Variants in BRWD3 observed in about 807,000 individuals in gnomAD.
The protein encoded by BRWD3 is bromodomain and WD repeat domain containing 3, also known as bromodomain and WD repeat-containing protein 3.
Under a neutral mutation model 149.7 loss-of-function variants are expected in BRWD3, and 10 were observed. The observed-to-expected ratio is 0.07, with a 90% confidence interval of 0.04 to 0.11. The LOEUF is 0.11. Among genes scored for constraint, BRWD3 ranks in the 10% least tolerant of loss-of-function variants. The pLI is 1.00. For synonymous variants in BRWD3, 504 were observed against 456.7 expected, an observed-to-expected ratio of 1.10 and a Z score of -1.32; for missense variants, 940 against 1,373.2, an observed-to-expected ratio of 0.68 and a Z score of 4.99.
chrX:80,739,043 C>T (rs968295685), intron 8 of BRWD3, among the ~76,000 whole-genome samples: 2 of 111,793 alleles, frequency 1.8e-5, no homozygotes, highest in African/African-American at 6.5e-5. Context: ...AGAGACTAAA[C>T]TGGGTGCAGG....
In BRWD3 at chrX:80,808,588, C is replaced by A; in HGVS notation, c.131G>T (p.Arg44Leu). Residue 44 changes from arginine to leucine, a missense_variant, in exon 4 of 41, where the codon CGC becomes CTC. Physicochemically the swap from Arg to Leu is moderately radical, Grantham distance 102 (BLOSUM62 -2). Around this residue, in one of 6 missense-constraint regions of BRWD3, gnomAD observed 105 missense variants for 127.7 expected, o/e 0.82. Coordinates refer to ENST00000373275, the MANE Select transcript of BRWD3 (RefSeq NM_153252.5). ...CTCTTTCCCCTCCCAATCTAAGCGG[C>A]GCGGAATCAGCTGGGGGCCGGACGA... is the stretch of plus-strand genomic sequence containing the variant. ...QELEEHQLIP[R>L]RLDWEGKEHR... 1 of 1,207,341 alleles carries A rather than the reference C, an allele frequency of 8.3e-7. No individual in the cohort carries two copies. The highest frequency in any genetic ancestry group is 1.1e-6 in the Non-Finnish European group (1 of 893,880).
intron 25 of BRWD3, among the ~76,000 whole-genome samples, 187 bp downstream of exon 25, chrX:80,699,770 C>T (rs763474970): frequency 4.7e-4 from 52 of 111,714 alleles, no homozygotes; most frequent in Admixed American, 4.5e-3. Context: ...AAATAGCATA[C>T]AAATTTTGAG....
intron 6 of BRWD3, among the ~76,000 whole-genome samples, chrX:80,787,797 C>T (rs2074127008): frequency 9.0e-6 from 1 of 111,453 alleles, no homozygotes; most frequent in African/African-American, 3.3e-5. Context: ...TTGAAAGACA[C>T]TGGTAGGCCG....
At chrX:80,709,983 A>T (rs1485316904) in intron 20 of BRWD3, 1 of 1,118,966 alleles carries the variant, frequency 8.9e-7, no homozygotes, top group Non-Finnish European at 1.2e-6. Flanking sequence ...CATCAAACTG[A>T]ATATGCAATG....
In BRWD3 at chrX:80,692,993, C is replaced by T; in HGVS notation, c.3210G>A (p.Gln1070=). The change falls in exon 28 of 41, where the codon CAG becomes CAA. Residue 1070 remains glutamine (Q), a synonymous_variant. Transcript: ENST00000373275. ...DAWWFGTVES[Q]QPFQPEYPDS... Reference sequence around the variant, plus strand: ...CAGGATACTCTGGTTGAAAAGGCTGCTGACTCTCCACAGTCCCAAACCACC... The same window carrying T: ...CAGGATACTCTGGTTGAAAAGGCTGTTGACTCTCCACAGTCCCAAACCACC... 1 of 1,211,250 alleles carries T rather than the reference C, an allele frequency of 8.3e-7. No individual in the cohort carries two copies. Among genetic ancestry groups the T allele is most frequent in the South Asian group, 1.8e-5 (1 of 56,984 alleles).
chrX:80,794,085 G>A (rs1433292539), intron 4 of BRWD3, among the ~76,000 whole-genome samples: 1 of 111,629 alleles, frequency 9.0e-6, no homozygotes, highest in East Asian at 2.8e-4. Flanking sequence ...GGCTGAGGCA[G>A]GAGAATCACT....
In BRWD3 at chrX:80,741,898, G is replaced by A. The variant is rs146169033; in HGVS notation, c.813+2134C>T. Reference sequence around the variant, plus strand: ...TGATGGTGGTTTCTTTTGCTGTGCAGAAGCTCTTTAGTTTAATTAGATCGC... The same window carrying A: ...TGATGGTGGTTTCTTTTGCTGTGCAAAAGCTCTTTAGTTTAATTAGATCGC... On this transcript the variant is annotated intron_variant, in intron 8 of 40. Coordinates refer to ENST00000373275, the MANE Select transcript of BRWD3 (RefSeq NM_153252.5). Among the ~76,000 whole-genome samples the A allele has an allele frequency of 4.0e-3, 445 of 111,804 alleles. 3 individuals carry two copies. Among genetic ancestry groups the A allele is most frequent in the African/African-American group, 0.013 (400 of 30,745 alleles).
intron 6 of BRWD3, among the ~76,000 whole-genome samples, chrX:80,763,310 C>G (rs903361059): frequency 9.0e-6 from 1 of 111,543 alleles, no homozygotes. Context: ...TTTGCTATGG[C>G]TGCTTTTATA....
At chrX:80,776,240 A>C (rs1178596509) in intron 6 of BRWD3, among the ~76,000 whole-genome samples, 2 of 112,234 alleles carry the variant, frequency 1.8e-5, no homozygotes, top group Non-Finnish European at 3.8e-5. Flanking sequence ...GCTCATCAAG[A>C]TCCAAAGAGT....
At position 80,761,973 on chromosome X, in the gene BRWD3, T is replaced by C. The variant is rs187088328; in HGVS notation, c.431-16244A>G. Among the ~76,000 whole-genome samples, 18 of 111,651 alleles carry C rather than the reference T, an allele frequency of 1.6e-4. 1 individual carries two copies. Among genetic ancestry groups the C allele is most frequent in the African/African-American group, 5.5e-4 (17 of 30,775 alleles). On this transcript the variant is annotated intron_variant, in intron 6 of 40. Transcript: ENST00000373275. ...CAATTAGAAACAATATTTCTACTCA[T>C]TTACTATATCCTAATGAAATTTTCA...
chrX:80,788,085 AAAATAAATAAATAAATAAAT>A (rs554615479), intron 6 of BRWD3, among the ~76,000 whole-genome samples: 124 of 88,249 alleles, frequency 1.4e-3, no homozygotes, highest in Non-Finnish European at 1.7e-3. Flanking sequence ...CTCTGTCTCA[AAAATAAATAAATAAATAAAT>A]AAATAAATAA....
At chrX:80,801,975 A>G (rs1372423937) in intron 4 of BRWD3, among the ~76,000 whole-genome samples, 2 of 112,190 alleles carry the variant, frequency 1.8e-5, no homozygotes, top group Non-Finnish European at 3.8e-5. Context: ...TGAATACTAC[A>G]CCAGTGTTAC....
At chrX:80,750,857 T>TACACACAC (rs59394410) in intron 6 of BRWD3, among the ~76,000 whole-genome samples, 2,602 of 93,897 alleles carry the variant, frequency 0.028, 51 homozygotes, top group East Asian at 0.1. Flanking sequence ...ATGTGTTTTA[T>TACACACAC]ACACACACAC....
intron 14 of BRWD3, among the ~76,000 whole-genome samples, chrX:80,726,573 A>T (rs1432451979): frequency 9.1e-6 from 1 of 110,497 alleles, no homozygotes; most frequent in Admixed American, 9.7e-5. Flanking sequence ...TCTTAGGAAC[A>T]CACCATCACA....
At chrX:80,747,699 G>C (rs968878017) in intron 6 of BRWD3, among the ~76,000 whole-genome samples, 1 of 111,437 alleles carries the variant, frequency 9.0e-6, no homozygotes, top group Non-Finnish European at 1.9e-5. Flanking sequence ...AGATTCTATC[G>C]TAAATGGAAT....
intron 6 of BRWD3, among the ~76,000 whole-genome samples, chrX:80,753,982 C>G (rs2073705425): frequency 8.9e-6 from 1 of 111,813 alleles, no homozygotes; most frequent in Admixed American, 9.5e-5. Flanking sequence ...TCTTTTTGCT[C>G]AGGACTACTG....
chrX:80,723,896 C>G lies in BRWD3; in HGVS notation c.1522-20G>C. ...TTCAATCTGAAATTCAGAGGAGTCT[C>G]AAGTCATCTTAAGAGTAATTTTCAA... is the stretch of plus-strand genomic sequence containing the variant. On this transcript the variant is annotated intron_variant, in intron 15 of 40. Coordinates refer to ENST00000373275, the MANE Select transcript of BRWD3 (RefSeq NM_153252.5). The G allele has an allele frequency of 8.3e-7, 1 of 1,206,755 alleles. No individual in the cohort carries two copies. The highest frequency in any genetic ancestry group is 1.1e-6 in the Non-Finnish European group (1 of 891,426).
At chrX:80,722,441 G>A (rs1036249051) in intron 17 of BRWD3, 121 bp downstream of exon 17, 12 of 658,637 alleles carry the variant, frequency 1.8e-5, no homozygotes, top group Non-Finnish European at 2.9e-5. Flanking sequence ...AACAGTAACA[G>A]AAGATGAAAC....
At chrX:80,741,970 C>T (rs2073517750) in intron 8 of BRWD3, among the ~76,000 whole-genome samples, 1 of 111,707 alleles carries the variant, frequency 9.0e-6, no homozygotes, top group Non-Finnish European at 1.9e-5. Flanking sequence ...GTGTTTTAGA[C>T]ATGAAGTCCT....
Sources: gnomAD v4.1 joint callset for allele counts (sites outside exome capture counted in the v4.1 genomes callset) on GRCh38, gnomAD v4.1.1 for gene constraint, gnomAD v4.1.1 regional missense constraint, MANE v1.5 for transcripts, NCBI Gene and HGNC (gene_info 2026-07-23, HGNC 2026-07-21) for gene names.